The following GAB4 variants were observed in gnomAD, a reference collection of about 807,000 sequenced individuals.
The protein encoded by GAB4 is GRB2 associated binding protein family member 4.
In GAB4, 26 loss-of-function variants were observed where a neutral mutation model predicts 51.3. The observed-to-expected ratio is 0.51, with a 90% CI of 0.37 to 0.70. The LOEUF is 0.70. Among genes scored for constraint, GAB4 ranks in the 30% least tolerant of loss-of-function variants. GAB4 has a pLI of 0.00. For missense variants in GAB4, 759 were observed against 734.6 expected (o/e 1.03, Z -0.38); for synonymous variants, 329 against 291.2 (o/e 1.13, Z -1.32).
chr22:17,001,112 G>T (rs1174969152), intron 1 of GAB4, among the ~76,000 whole-genome samples: 1 of 152,134 alleles, frequency 6.6e-6, no homozygotes, highest in African/African-American at 2.4e-5. Context: ...TGACAATTAT[G>T]TGTCTTGGAG....
Position 16,991,980 on chromosome 22 carries a change from T to C in GAB4, c.371A>G (p.Lys124Arg), listed in dbSNP as rs912853748. The stretch of plus-strand genomic sequence containing the variant: ...CAGGTAAAAGGTACGCTCACTGGTC[T>C]TGATGTCAAACATATAGCCCTTCTG... ...EIQKGYMFDI[K>R]TSERTFYLVA... Residue 124 changes from lysine to arginine, a missense_variant, in exon 2 of 10, where the codon AAG becomes AGG. Physicochemically the swap from Lys to Arg is conservative, Grantham distance 26. Transcript: ENST00000400588. 2.0e-5 allele frequency: 33 copies of C among 1,614,096 alleles called. No individual in the cohort carries two copies. The East Asian group carries it at 7.4e-4, about 36-fold the overall frequency.
At position 16,971,190 on chromosome 22, in the gene GAB4, C is replaced by T. The variant is rs144071865; in HGVS notation, c.687-997G>A. 3.0e-4 allele frequency among the ~76,000 whole-genome samples: 45 copies of T among 152,220 alleles called. 1 individual carries two copies. In the East Asian group the frequency reaches 8.7e-3, roughly 29 times the overall value. On this transcript the variant is annotated intron_variant, in intron 3 of 9. Transcript: ENST00000400588. ...ACTTGGGCAACAGAGCCAGACCCTA[C>T]CTCGGAAAAAGAAAAAGTTTTGAAT...
chr22:17,007,795 C>G, intron 1 of GAB4, 146 bp downstream of exon 1: 1 of 704,190 alleles, frequency 1.4e-6, no homozygotes, highest in Non-Finnish European at 2.3e-6. Flanking sequence ...CTCTCACTGG[C>G]GGGGAGTCGC....
Position 16,962,376 on chromosome 22 carries a change from C to T in GAB4, c.*357G>A. On this transcript the variant is annotated 3_prime_UTR_variant, in exon 10 of 10. Transcript: ENST00000400588. ...ACTGTGGCCTGTGGGCCTTGGGTCC[C>T]CGGGTCAGCAAGGTAGCTCCTCATG... is the stretch of plus-strand genomic sequence containing the variant. 5.5e-6 allele frequency: 1 copy of T among 181,630 alleles called. No homozygotes were observed. The highest frequency in any genetic ancestry group is 1.1e-5 in the Non-Finnish European group (1 of 88,060). The allele number at this position is 181,630 out of a possible 1,614,324, so 11.3% of individuals were successfully genotyped here. A position where few individuals can be genotyped will look rare whatever the true frequency, so the allele number is the denominator to read the frequency against.
intron 1 of GAB4, among the ~76,000 whole-genome samples, chr22:16,997,465 T>C (rs1175716376): frequency 2.0e-5 from 3 of 152,238 alleles, no homozygotes; most frequent in Non-Finnish European, 2.9e-5. Context: ...TCTGTTCATA[T>C]CCTTTGCCCA....
chr22:17,006,787 C>A (rs1489426769), intron 1 of GAB4, among the ~76,000 whole-genome samples: 1 of 152,160 alleles, frequency 6.6e-6, no homozygotes, highest in Non-Finnish European at 1.5e-5. Flanking sequence ...TGTTCTCACT[C>A]ATAAGTGGCA....
At chr22:16,968,718 T>C (rs1042044049) in intron 4 of GAB4, among the ~76,000 whole-genome samples, 1 of 152,238 alleles carries the variant, frequency 6.6e-6, no homozygotes, top group Non-Finnish European at 1.5e-5. Context: ...TACTGACTTC[T>C]GCATGTCGGT....
chr22:16,976,003 C>A (rs2060774747), intron 3 of GAB4, among the ~76,000 whole-genome samples: 1 of 152,046 alleles, frequency 6.6e-6, no homozygotes, highest in Non-Finnish European at 1.5e-5. Context: ...AAAAAACATC[C>A]ACACAAAAAC....
At chr22:16,997,106 G>A (rs1373147633) in intron 1 of GAB4, among the ~76,000 whole-genome samples, 2 of 152,046 alleles carry the variant, frequency 1.3e-5, no homozygotes, top group African/African-American at 2.4e-5. Context: ...ATAAACATAC[G>A]TGTGCATGTG....
chr22:16,995,432 G>C (rs755571073), intron 1 of GAB4, among the ~76,000 whole-genome samples: 4 of 152,174 alleles, frequency 2.6e-5, no homozygotes, highest in Non-Finnish European at 4.4e-5. Context: ...AGAGCACAGC[G>C]TATCTCCCAG....
intron 4 of GAB4, 80 bp downstream of exon 4, chr22:16,969,863 C>A: frequency 6.5e-7 from 1 of 1,534,300 alleles, no homozygotes; most frequent in Non-Finnish European, 9.0e-7. Flanking sequence ...GTGGGGTGGC[C>A]GGAACACCAC....
At position 16,987,996 on chromosome 22, in the gene GAB4, G is replaced by C; in HGVS notation, c.650C>G (p.Ser217Trp). ...PIPAPPGCLRSHQHASQRAEH... is the reference protein window; with the variant it reads ...PIPAPPGCLRWHQHASQRAEH... ...TGCTCTCTGGCTGGCGTGCTGGTGC[G>C]AGCGGAGACACCCCGGAGGTGCAGG... Residue 217 changes from serine to tryptophan, a missense_variant, in exon 3 of 10, where the codon TCG becomes TGG. Physicochemically the swap from Ser to Trp is radical, Grantham distance 177. Coordinates refer to ENST00000400588, the MANE Select transcript of GAB4 (RefSeq NM_001037814.1). The C allele has an allele frequency of 1.2e-6, 2 of 1,609,116 alleles. No individual in the cohort carries two copies. Among genetic ancestry groups the C allele is most frequent in the Non-Finnish European group, 8.5e-7 (1 of 1,178,466 alleles).
At chr22:16,987,360 G>A (rs543886989) in intron 3 of GAB4, among the ~76,000 whole-genome samples, 3 of 152,342 alleles carry the variant, frequency 2.0e-5, no homozygotes, top group East Asian at 1.9e-4. Flanking sequence ...CAGAGAAGCA[G>A]AGGTCATGGT....
rs1471239266 is a variant in GAB4 at position 16,968,469 on chromosome 22, C to T, written c.938-86G>A. 7 of 912,660 alleles carry T rather than the reference C, an allele frequency of 7.7e-6. No individual in the cohort carries two copies. In the Admixed American group the frequency reaches 1.2e-4, roughly 16 times the overall value. The allele number at this position is 912,660 out of a possible 1,614,324, so 56.5% of individuals were successfully genotyped here. A position where few individuals can be genotyped will look rare whatever the true frequency, so the allele number is the denominator to read the frequency against. On this transcript the variant is annotated intron_variant, in intron 4 of 9. Coordinates refer to ENST00000400588, the MANE Select transcript of GAB4 (RefSeq NM_001037814.1). ...CGCCCTCCCCAGTGCTGCTTAGGGT[C>T]TCGCTGATGCTCTAGAGGACACGAC...
intron 2 of GAB4, 86 bp from the exon 3 acceptor site, chr22:16,988,253 C>A: frequency 1.2e-6 from 1 of 855,074 alleles, no homozygotes; most frequent in Non-Finnish European, 2.0e-6. Context: ...GGCGGTAATC[C>A]AGCACCAGCA....
chr22:16,984,465 G>A (rs2060851869), intron 3 of GAB4, among the ~76,000 whole-genome samples: 1 of 152,286 alleles, frequency 6.6e-6, no homozygotes, highest in South Asian at 2.1e-4. Flanking sequence ...GCCAACATCT[G>A]TATTATCTTG....
At chr22:16,963,659 C>G in intron 9 of GAB4, 66 bp downstream of exon 9, 2 of 1,169,796 alleles carry the variant, frequency 1.7e-6, no homozygotes, top group Non-Finnish European at 2.5e-6. Flanking sequence ...TGCTGAAGGG[C>G]CTGGCCCCAC....
chr22:16,971,298 C>T (rs910830882), intron 3 of GAB4, among the ~76,000 whole-genome samples: 4 of 152,318 alleles, frequency 2.6e-5, no homozygotes, highest in Non-Finnish European at 4.4e-5. Context: ...CAGTTTCCAG[C>T]GCTGCCACCG....
intron 3 of GAB4, among the ~76,000 whole-genome samples, chr22:16,983,425 T>C (rs2060842641): frequency 6.6e-6 from 1 of 152,174 alleles, no homozygotes; most frequent in Non-Finnish European, 1.5e-5. Flanking sequence ...TACCATTCTG[T>C]ATTTTCTACA....
Sources: gnomAD v4.1 joint callset for allele counts (sites outside exome capture counted in the v4.1 genomes callset) on GRCh38, gnomAD v4.1.1 for gene constraint, MANE v1.5 for transcripts, NCBI Gene and HGNC (gene_info 2026-07-23, HGNC 2026-07-21) for gene names.